The following FAM120A variants were observed in gnomAD, a reference collection of about 807,000 sequenced individuals.
FAM120A encodes the protein family with sequence similarity 120 member A, also known as constitutive coactivator of PPAR-gamma-like protein 1.
Under a neutral mutation model 109.7 loss-of-function variants are expected in FAM120A, and 15 were observed. The ratio of observed to expected loss-of-function variants is 0.14; its 90% CI spans 0.09 to 0.21. The LOEUF is 0.21. FAM120A is among the 10% of genes least tolerant of loss of function. The probability of loss-of-function intolerance (pLI) is 1.00; values close to 1 mark genes in which losing one functional copy is unlikely to be tolerated. For synonymous variants in FAM120A, 493 were observed against 572.8 expected, an observed-to-expected ratio of 0.86 and a Z score of 1.99; for missense variants, 899 against 1,439.3, an observed-to-expected ratio of 0.62 and a Z score of 6.07.
At chr9:93,495,423 C>T (rs1859532298) in intron 3 of FAM120A, among the ~76,000 whole-genome samples, 1 of 152,202 alleles carries the variant, frequency 6.6e-6, no homozygotes, top group Non-Finnish European at 1.5e-5. Context: ...CTTGGAAAGG[C>T]AGAGGCACTT....
Position 93,452,560 on chromosome 9 carries a change from G to T in FAM120A, c.474+171G>T. The T allele has an allele frequency of 6.3e-7, 1 of 1,587,564 alleles. No homozygotes were observed. The highest frequency in any genetic ancestry group is 8.5e-7 in the Non-Finnish European group (1 of 1,173,836). On this transcript the variant is annotated intron_variant, in intron 1 of 17. Transcript: ENST00000277165. This position sits in a 1 kb window ranked among gnomAD's most constrained non-coding sequence, Gnocchi z 7.0. ...CGGGCTGCAAGATGGATGGCCGCGGGTGCAGGCCGCGCGCTGCCCAAGCCC... is the reference window on the plus strand; with the variant it reads ...CGGGCTGCAAGATGGATGGCCGCGGTTGCAGGCCGCGCGCTGCCCAAGCCC...
chr9:93,476,469 A>G (rs972279179), intron 3 of FAM120A, 131 bp downstream of exon 3: 2 of 642,840 alleles, frequency 3.1e-6, no homozygotes, highest in East Asian at 5.6e-5. Flanking sequence ...CCATAATTTC[A>G]GGATCTGCAC....
intron 1 of FAM120A, among the ~76,000 whole-genome samples, chr9:93,457,631 T>A (rs1256599867): frequency 5.3e-5 from 8 of 152,106 alleles, no homozygotes. Flanking sequence ...TACCAGAACT[T>A]CAGACTTTGC....
chr9:93,529,315 T>A (rs562486895), intron 8 of FAM120A, 38 bp from the exon 9 acceptor site: 1 of 1,512,242 alleles, frequency 6.6e-7, no homozygotes, highest in Non-Finnish European at 8.9e-7. Flanking sequence ...AAACATGACA[T>A]ACACTCGTTT....
chr9:93,527,349 T>A (rs1468321057), intron 8 of FAM120A, 107 bp downstream of exon 8: 9 of 837,020 alleles, frequency 1.1e-5, no homozygotes, highest in South Asian at 3.2e-5. Flanking sequence ...TTTAATCGGG[T>A]CATGTAAACC....
chr9:93,549,125 A>G (rs1441928215), intron 11 of FAM120A, among the ~76,000 whole-genome samples: 2 of 152,210 alleles, frequency 1.3e-5, no homozygotes, highest in Non-Finnish European at 2.9e-5. Context: ...CAGTTAATCA[A>G]TTGCAAAGGA....
chr9:93,472,054 G>A (rs1858335387), intron 2 of FAM120A, among the ~76,000 whole-genome samples: 2 of 152,178 alleles, frequency 1.3e-5, no homozygotes, highest in African/African-American at 4.8e-5. Flanking sequence ...GAGGTCAGGA[G>A]TTTGAGACCA....
chr9:93,513,864 A>G (rs1168067738), intron 5 of FAM120A, among the ~76,000 whole-genome samples: 1 of 152,220 alleles, frequency 6.6e-6, no homozygotes, highest in Non-Finnish European at 1.5e-5. Context: ...GAATGCAGCC[A>G]TGGACATTTG....
chr9:93,513,117 T>C (rs551280373), intron 5 of FAM120A, among the ~76,000 whole-genome samples: 40 of 152,350 alleles, frequency 2.6e-4, no homozygotes, highest in African/African-American at 9.4e-4. Context: ...TATTATACAC[T>C]AGACATTTTA....
At chr9:93,533,468 A>G (rs1239082898) in intron 10 of FAM120A, among the ~76,000 whole-genome samples, 1 of 152,202 alleles carries the variant, frequency 6.6e-6, no homozygotes, top group African/African-American at 2.4e-5. Context: ...GGCTGTGAGC[A>G]TCTCCACCCT....
At chr9:93,518,673 G>A (rs1185727358) in intron 7 of FAM120A, among the ~76,000 whole-genome samples, 4 of 152,172 alleles carry the variant, frequency 2.6e-5, no homozygotes, top group African/African-American at 9.7e-5. Context: ...AAGACATGCC[G>A]AGAGTGAGGA....
At chr9:93,521,936 T>G (rs1035600574) in intron 7 of FAM120A, among the ~76,000 whole-genome samples, 1 of 152,142 alleles carries the variant, frequency 6.6e-6, no homozygotes, top group African/African-American at 2.4e-5. Flanking sequence ...AAAAATTAGC[T>G]GGACGTGGTT....
rs766957103 is a variant in FAM120A at position 93,564,393 on chromosome 9, C to T, written c.3210C>T (p.Asp1070=). ...CCCAGATGAACGGGAGCACGGGTGACGCCAGGGCCCCCAGCCACTCTGAAA... is the reference window on the plus strand; with the variant it reads ...CCCAGATGAACGGGAGCACGGGTGATGCCAGGGCCCCCAGCCACTCTGAAA... ...PAPQMNGSTG[D]ARAPSHSESA... Residue 1070 remains aspartate (D), a synonymous_variant, in exon 18 of 18, where the codon GAC becomes GAT. Coordinates refer to ENST00000277165, the MANE Select transcript of FAM120A (RefSeq NM_014612.5). 3.8e-5 allele frequency: 61 copies of T among 1,613,912 alleles called. 1 individual carries two copies. The East Asian group carries it at 4.0e-4, about 11-fold the overall frequency.
In FAM120A at chr9:93,452,530, C is replaced by T; in HGVS notation, c.474+141C>T. 6.4e-7 allele frequency: 1 copy of T among 1,560,466 alleles called. No homozygotes were observed. The highest frequency in any genetic ancestry group is 1.1e-5 in the South Asian group (1 of 88,202). The stretch of plus-strand genomic sequence containing the variant: ...CAGCCCTTGCCCGGGATAGCCTGGC[C>T]GGGCCGGGCTGCAAGATGGATGGCC... On this transcript the variant is annotated intron_variant, in intron 1 of 17. Coordinates refer to ENST00000277165, the MANE Select transcript of FAM120A (RefSeq NM_014612.5). This position sits in a 1 kb window ranked among gnomAD's most constrained non-coding sequence, Gnocchi z 7.0.
chr9:93,457,224 G>C (rs1267652024), intron 1 of FAM120A, among the ~76,000 whole-genome samples: 1 of 152,096 alleles, frequency 6.6e-6, no homozygotes, highest in East Asian at 1.9e-4. Context: ...AGAGCTGTTC[G>C]AGTTCCTGCT....
At chr9:93,463,415 A>C (rs1857880134) in intron 1 of FAM120A, among the ~76,000 whole-genome samples, 1 of 152,234 alleles carries the variant, frequency 6.6e-6, no homozygotes, top group South Asian at 2.1e-4. Flanking sequence ...ATTTCAGCTT[A>C]CCTGAAGAGA....
At chr9:93,511,613 A>T (rs1403949852) in intron 5 of FAM120A, among the ~76,000 whole-genome samples, 5 of 152,216 alleles carry the variant, frequency 3.3e-5, no homozygotes, top group African/African-American at 1.2e-4. Flanking sequence ...GACTATTGAG[A>T]TTTAGTAAAC....
intron 11 of FAM120A, among the ~76,000 whole-genome samples, chr9:93,545,742 C>A (rs1305870746): frequency 6.9e-6 from 1 of 144,470 alleles, no homozygotes; most frequent in Admixed American, 7.1e-5. Flanking sequence ...GTCAGCTGAA[C>A]GTGATTTCCA....
chr9:93,462,091 C>CAAAGGA (rs1444006634), intron 1 of FAM120A, among the ~76,000 whole-genome samples: 1 of 152,160 alleles, frequency 6.6e-6, no homozygotes, highest in Non-Finnish European at 1.5e-5. Context: ...TGTCGTTAAT[C>CAAAGGA]AAAGGAAAAG....
Sources: allele counts gnomAD v4.1 joint callset (sites outside exome capture counted in the v4.1 genomes callset), GRCh38; gene constraint gnomAD v4.1.1; non-coding constraint Gnocchi (gnomAD v3.1); transcripts MANE v1.5; gene names NCBI Gene and HGNC (gene_info 2026-07-23, HGNC 2026-07-21).